ENTPD8: variants seen among roughly 807,000 people sequenced by gnomAD.
The protein encoded by ENTPD8 is E-NTPDase 8.
Under a neutral mutation model 47.0 loss-of-function variants are expected in ENTPD8, and 35 were observed. That is an observed-to-expected ratio of 0.75 (90% CI 0.57 to 0.99). ENTPD8 has a LOEUF of 0.99. Ranked by LOEUF, ENTPD8 falls within the 50% of genes least tolerant of loss-of-function variation. The pLI is 0.00. For missense variants in ENTPD8, 668 were observed against 649.9 expected (o/e 1.03, Z -0.30); for synonymous variants, 308 against 290.5 (o/e 1.06, Z -0.61).
In ENTPD8 at chr9:137,438,135, G is replaced by A; in HGVS notation, c.126+25C>T. 6.2e-7 allele frequency: 1 copy of A among 1,609,824 alleles called. No individual in the cohort carries two copies. The highest frequency in any genetic ancestry group is 8.5e-7 in the Non-Finnish European group (1 of 1,177,784). ...AGGCAACACCTGTGGACCCGGCCCG[G>A]CCTCCCCTGCCGGCGGGGACGCACC... On this transcript the variant is annotated intron_variant, in intron 2 of 9. Coordinates refer to ENST00000371506, the MANE Select transcript of ENTPD8 (RefSeq NM_001033113.2). The surrounding 1 kb of genome is among the most constrained non-coding windows in gnomAD (Gnocchi z 5.7).
At chr9:137,437,134 G>T (rs1407831130) in intron 4 of ENTPD8, 25 bp downstream of exon 4, 6 of 1,609,636 alleles carry the variant, frequency 3.7e-6, no homozygotes, top group African/African-American at 1.3e-5. Flanking sequence ...ACTCCCCGTG[G>T]GTGCCAAGGC....
At chr9:137,439,694 A>G (rs1310830746) in intron 1 of ENTPD8, among the ~76,000 whole-genome samples, 1 of 152,086 alleles carries the variant, frequency 6.6e-6, no homozygotes, top group African/African-American at 2.4e-5. Flanking sequence ...GCCACCTCAT[A>G]GGGACAAACA....
At position 137,436,291 on chromosome 9, in the gene ENTPD8, G is replaced by A. The variant is rs1002274306; in HGVS notation, c.787-15C>T. Reference sequence around the variant, plus strand: ...GCCGGGCGGCTCTGCAGAGGGCAGGGAGGCCTGAGCACCAGCCGCACACCT... The same window carrying A: ...GCCGGGCGGCTCTGCAGAGGGCAGGAAGGCCTGAGCACCAGCCGCACACCT... On this transcript the variant is annotated splice_polypyrimidine_tract_variant and intron_variant, in intron 6 of 9. Coordinates refer to ENST00000371506, the MANE Select transcript of ENTPD8 (RefSeq NM_001033113.2). 2 of 1,559,858 alleles carry A rather than the reference G, an allele frequency of 1.3e-6. No individual in the cohort carries two copies. Among genetic ancestry groups the A allele is most frequent in the South Asian group, 1.2e-5 (1 of 83,652 alleles).
Position 137,434,763 on chromosome 9 carries a change from C to T in ENTPD8, c.*151G>A. On this transcript the variant is annotated 3_prime_UTR_variant, in exon 10 of 10. Transcript: ENST00000371506. ...GAGGTCATGCAGCCTCTGTGGCCAGCACCACCCTGACGGTGCCCTGGAGGT... is the reference window on the plus strand; with the variant it reads ...GAGGTCATGCAGCCTCTGTGGCCAGTACCACCCTGACGGTGCCCTGGAGGT... The T allele has an allele frequency of 2.0e-6, 2 of 1,019,026 alleles. No individual in the cohort carries two copies. The highest frequency in any genetic ancestry group is 2.8e-6 in the Non-Finnish European group (2 of 721,642). The allele number at this position is 1,019,026 out of a possible 1,614,324, so 63.1% of individuals were successfully genotyped here. A position where few individuals can be genotyped will look rare whatever the true frequency, so the allele number is the denominator to read the frequency against.
chr9:137,438,205 G>A lies in ENTPD8; in HGVS notation c.81C>T (p.Leu27=), dbSNP rs1839423203. Residue 27 remains leucine, a synonymous_variant, in exon 2 of 10, where the codon CTC becomes CTT. Coordinates refer to ENST00000371506, the MANE Select transcript of ENTPD8 (RefSeq NM_001033113.2). The surrounding 1 kb of genome is among the most constrained non-coding windows in gnomAD (Gnocchi z 5.7). Reference sequence around the variant, plus strand: ...GCACGCTGGTGGCCTCCACCAGGAGGAGAATGAGTGCCGTGAGGCCTGAGA... The same window carrying A: ...GCACGCTGGTGGCCTCCACCAGGAGAAGAATGAGTGCCGTGAGGCCTGAGA... ...SGVSGLTALI[L]LLVEATSVLL... 3.1e-6 allele frequency: 5 copies of A among 1,607,978 alleles called. No individual in the cohort carries two copies. The highest frequency in any genetic ancestry group is 1.1e-5 in the South Asian group (1 of 90,358).
Position 137,438,757 on chromosome 9 carries a change from AG to A in ENTPD8, c.-20-453del, listed in dbSNP as rs915969792. Among the ~76,000 whole-genome samples, 2 of 151,760 alleles carry A rather than the reference AG, an allele frequency of 1.3e-5. No individual in the cohort carries two copies. Among genetic ancestry groups the A allele is most frequent in the African/African-American group, 4.8e-5 (2 of 41,310 alleles). On this transcript the variant is annotated intron_variant, in intron 1 of 9. Coordinates refer to ENST00000371506, the MANE Select transcript of ENTPD8 (RefSeq NM_001033113.2). The surrounding 1 kb of genome is among the most constrained non-coding windows in gnomAD (Gnocchi z 5.7). ...CATGGGCATCAGAGGGCCCTGTGGGAGGGGGGCGGGGGGCAGCAGAGGCCTC... is the reference window on the plus strand; with the variant it reads ...CATGGGCATCAGAGGGCCCTGTGGGAGGGGGCGGGGGGCAGCAGAGGCCTC...
chr9:137,439,401 G>C (rs765580094), intron 1 of ENTPD8, among the ~76,000 whole-genome samples: 1 of 152,144 alleles, frequency 6.6e-6, no homozygotes, highest in Non-Finnish European at 1.5e-5. Context: ...TGCCTGCCAA[G>C]GTCCCGGCAC....
In ENTPD8 at chr9:137,438,299, C is replaced by G; in HGVS notation, c.-14G>C. 1.3e-6 allele frequency: 2 copies of G among 1,548,748 alleles called. No individual in the cohort carries two copies. The highest frequency in any genetic ancestry group is 1.7e-6 in the Non-Finnish European group (2 of 1,143,872). Reference sequence around the variant, plus strand: ...GGACAGCCCCATGGTGCAGGTGGTACTGGTTCCTGTGGGGGGACGGCCGTG... The same window carrying G: ...GGACAGCCCCATGGTGCAGGTGGTAGTGGTTCCTGTGGGGGGACGGCCGTG... On this transcript the variant is annotated 5_prime_UTR_variant, in exon 2 of 10. Transcript: ENST00000371506. The surrounding 1 kb of genome is among the most constrained non-coding windows in gnomAD (Gnocchi z 5.7).
Position 137,436,585 on chromosome 9 carries a change from G to A in ENTPD8, c.722C>T (p.Thr241Ile). ...CCGTCCAAAGCACAGGTAGCTGTGA[G>A]TGTAGACGCTGTAGTCGGAGCCGTA... ...RLYGSDYSVY[T>I]HSYLCFGRDQ... Residue 241 changes from threonine (T) to isoleucine (I), a missense_variant, in exon 6 of 10, where the codon ACT becomes ATT. Transcript: ENST00000371506. 8 of 1,612,106 alleles carry A rather than the reference G, an allele frequency of 5.0e-6. No individual in the cohort carries two copies. Among genetic ancestry groups the A allele is most frequent in the Non-Finnish European group, 6.8e-6 (8 of 1,179,760 alleles).
In ENTPD8 at chr9:137,436,195, A is replaced by C. The variant is rs1353640403; in HGVS notation, c.868T>G (p.Ser290Ala). Residue 290 changes from serine (S) to alanine (A), a missense_variant, in exon 7 of 10, where the codon TCA becomes GCA. By Grantham distance (99) the Ser-to-Ala change is moderately conservative. Coordinates refer to ENST00000371506, the MANE Select transcript of ENTPD8 (RefSeq NM_001033113.2). ...GGGGGCGTGGCGTGGACACAGGGTG[A>C]CTCATACAGCGGGCCCAGGGCCAGT... is the stretch of plus-strand genomic sequence containing the variant. ...TTLALGPLYE[S>A]PCVHATPPLS... is the part of the protein sequence containing the mutation. 1.2e-6 allele frequency: 2 copies of C among 1,612,572 alleles called. No homozygotes were observed. The highest frequency in any genetic ancestry group is 1.7e-6 in the Non-Finnish European group (2 of 1,179,836).
Position 137,438,312 on chromosome 9 carries a change from G to A in ENTPD8, c.-20-7C>T. 1 of 1,523,298 alleles carries A rather than the reference G, an allele frequency of 6.6e-7. No homozygotes were observed. The allele number at this position is 1,523,298 out of a possible 1,614,324, so 94.4% of individuals were successfully genotyped here. A position where few individuals can be genotyped will look rare whatever the true frequency, so the allele number is the denominator to read the frequency against. On this transcript the variant is annotated splice_region_variant and splice_polypyrimidine_tract_variant and intron_variant, in intron 1 of 9. Coordinates refer to ENST00000371506, the MANE Select transcript of ENTPD8 (RefSeq NM_001033113.2). The surrounding 1 kb of genome is among the most constrained non-coding windows in gnomAD (Gnocchi z 5.7). ...GTGCAGGTGGTACTGGTTCCTGTGG[G>A]GGGACGGCCGTGGGCACCCAGGCTG... is the stretch of plus-strand genomic sequence containing the variant.
rs1013298652 is a variant in ENTPD8, at chr9:137,434,423, G to A, written c.*491C>T. The A allele has an allele frequency of 2.7e-6, 4 of 1,498,290 alleles. No homozygotes were observed. The highest frequency in any genetic ancestry group is 3.6e-6 in the Non-Finnish European group (4 of 1,123,046). The allele number at this position is 1,498,290 out of a possible 1,614,324, so 92.8% of individuals were successfully genotyped here. Reference sequence around the variant, plus strand: ...CCCACTGCAGTCTCACCCTCCAAGTGGGTGTGGGAGGCCGGGCTGGCCCAG... The same window carrying A: ...CCCACTGCAGTCTCACCCTCCAAGTAGGTGTGGGAGGCCGGGCTGGCCCAG... On this transcript the variant is annotated 3_prime_UTR_variant, in exon 10 of 10. Transcript: ENST00000371506.
chr9:137,434,750 C>A lies in ENTPD8; in HGVS notation c.*164G>T. 1 of 901,386 alleles carries A rather than the reference C, an allele frequency of 1.1e-6. No homozygotes were observed. The highest frequency in any genetic ancestry group is 1.6e-6 in the Non-Finnish European group (1 of 617,990). The allele number at this position is 901,386 out of a possible 1,614,324, so 55.8% of individuals were successfully genotyped here. A position where few individuals can be genotyped will look rare whatever the true frequency, so the allele number is the denominator to read the frequency against. Reference sequence around the variant, plus strand: ...GACGCCGGGAGGGGAGGTCATGCAGCCTCTGTGGCCAGCACCACCCTGACG... The same window carrying A: ...GACGCCGGGAGGGGAGGTCATGCAGACTCTGTGGCCAGCACCACCCTGACG... On this transcript the variant is annotated 3_prime_UTR_variant, in exon 10 of 10. Coordinates refer to ENST00000371506, the MANE Select transcript of ENTPD8 (RefSeq NM_001033113.2).
At chr9:137,435,905 G>A (rs1839336388) in intron 7 of ENTPD8, 76 bp from the exon 8 acceptor site, 1 of 1,603,512 alleles carries the variant, frequency 6.2e-7, no homozygotes, top group South Asian at 1.1e-5. Flanking sequence ...GGCTCCCAGA[G>A]CCCCTAAGAG....
In ENTPD8 at chr9:137,438,644, T is replaced by C. The variant is rs545890808; in HGVS notation, c.-20-339A>G. On this transcript the variant is annotated intron_variant, in intron 1 of 9. Transcript: ENST00000371506. The surrounding 1 kb of genome is among the most constrained non-coding windows in gnomAD (Gnocchi z 5.7). ...AGAGGCATCCCCGGGGCTCAGACGG[T>C]CTCCCGTGGCCATAGAGGCATCCCC... is the stretch of plus-strand genomic sequence containing the variant. 1.4e-3 allele frequency among the ~76,000 whole-genome samples: 130 copies of C among 93,284 alleles called. No homozygotes were observed. The highest frequency in any genetic ancestry group is 0.016 in the Middle Eastern group (2 of 126). 61.2% of individuals were successfully genotyped at this position (93,284 alleles called of 152,430 possible). A position where few individuals can be genotyped will look rare whatever the true frequency, so the allele number is the denominator to read the frequency against.
At chr9:137,436,323 C>G in intron 6 of ENTPD8, 47 bp from the exon 7 acceptor site, 1 of 1,501,078 alleles carries the variant, frequency 6.7e-7, no homozygotes, top group Non-Finnish European at 8.9e-7. Flanking sequence ...ACCTGCGGCC[C>G]TGTGCCCCTC....
chr9:137,438,173 G>C lies in ENTPD8; in HGVS notation c.113C>G (p.Pro38Arg). The change falls in exon 2 of 10, where the codon CCC (proline) becomes CGC (arginine). Residue 38 changes from proline to arginine, a missense_variant. Pro to Arg is a moderately radical substitution (Grantham distance 103). Transcript: ENST00000371506. This position sits in a 1 kb window ranked among gnomAD's most constrained non-coding sequence, Gnocchi z 5.7. ...GCGGGGACGCACCTTGATGTCTGTG[G>C]GCAGGAGCACGCTGGTGGCCTCCAC... The part of the protein sequence containing the change: ...LLVEATSVLL[P>R]TDIKFGIVFD... 6.2e-7 allele frequency: 1 copy of C among 1,609,700 alleles called. No homozygotes were observed. The highest frequency in any genetic ancestry group is 8.5e-7 in the Non-Finnish European group (1 of 1,178,314).
At chr9:137,436,353 C>G in intron 6 of ENTPD8, 77 bp from the exon 7 acceptor site, 2 of 1,441,584 alleles carry the variant, frequency 1.4e-6, no homozygotes, top group Non-Finnish European at 9.1e-7. Flanking sequence ...GGATGACCCA[C>G]GCCAGCCCCG....
chr9:137,436,765 G>T lies in ENTPD8; in HGVS notation c.556-14C>A. 6.2e-7 allele frequency: 1 copy of T among 1,602,848 alleles called. No homozygotes were observed. The highest frequency in any genetic ancestry group is 8.5e-7 in the Non-Finnish European group (1 of 1,173,488). Reference sequence around the variant, plus strand: ...AGTGAAGGAGTACTGGGCACAGAAGGGGCCACTCAGCTGGGAGCAGCCACC... The same window carrying T: ...AGTGAAGGAGTACTGGGCACAGAAGTGGCCACTCAGCTGGGAGCAGCCACC... On this transcript the variant is annotated splice_polypyrimidine_tract_variant and intron_variant, in intron 5 of 9. Coordinates refer to ENST00000371506, the MANE Select transcript of ENTPD8 (RefSeq NM_001033113.2).
Sources: allele counts gnomAD v4.1 joint callset (sites outside exome capture counted in the v4.1 genomes callset), GRCh38; gene constraint gnomAD v4.1.1; non-coding constraint Gnocchi (gnomAD v3.1); transcripts MANE v1.5; gene names NCBI Gene and HGNC (gene_info 2026-07-23, HGNC 2026-07-21).